Variants in DEPDC4 observed in about 807,000 individuals in gnomAD.
DEPDC4 encodes the protein DEP domain containing 4.
Under a neutral mutation model 52.0 loss-of-function variants are expected in DEPDC4, and 52 were observed. The observed-to-expected ratio is 1.00, with a 90% CI of 0.80 to 1.26. The LOEUF (loss-of-function observed/expected upper bound fraction) is 1.26, where lower values mean the gene tolerates loss of function less well. DEPDC4 is among the 50% of genes most tolerant of loss of function. The pLI, the probability that DEPDC4 is intolerant of heterozygous loss-of-function variation, is 0.00. For missense variants in DEPDC4, 530 were observed against 546.9 expected (o/e 0.97, Z 0.31); for synonymous variants, 201 against 196.8 (o/e 1.02, Z -0.18).
At chr12:100,253,298 AT>A (rs143595096) in intron 5 of DEPDC4, among the ~76,000 whole-genome samples, 190 bp downstream of exon 5, 1,765 of 152,260 alleles carry the variant, frequency 0.012, 29 homozygotes, top group African/African-American at 0.041. Flanking sequence ...TATTAGTTAC[AT>A]TTGATAATAT....
chr12:100,272,883 A>G, the DEPDC4 span, among the ~76,000 whole-genome samples: 1 of 152,252 alleles, frequency 6.6e-6, no homozygotes, highest in Non-Finnish European at 1.5e-5. Context: ...GTAGTTTAAC[A>G]TGTAAATACA....
upstream of DEPDC4, among the ~76,000 whole-genome samples, chr12:100,270,451 A>G (rs1195339051): frequency 6.6e-6 from 1 of 152,166 alleles, no homozygotes; most frequent in Non-Finnish European, 1.5e-5. Flanking sequence ...AAAAATTACA[A>G]TAATTTCAAG....
At chr12:100,235,772 C>A (rs1437225748), downstream of DEPDC4, among the ~76,000 whole-genome samples, 1 of 152,122 alleles carries the variant, frequency 6.6e-6, no homozygotes, top group Non-Finnish European at 1.5e-5. Flanking sequence ...ACGGGTTTCA[C>A]CATGTTGGCT....
the DEPDC4 span, among the ~76,000 whole-genome samples, chr12:100,277,142 CTT>C: frequency 1.1e-4 from 16 of 152,278 alleles, no homozygotes; most frequent in South Asian, 3.3e-3. Flanking sequence ...TATTTTGAGA[CTT>C]ATTTCATAGC....
At chr12:100,255,938 G>C in intron 4 of DEPDC4, 111 bp downstream of exon 4, 1 of 699,470 alleles carries the variant, frequency 1.4e-6, no homozygotes, top group Non-Finnish European at 2.3e-6. Context: ...TTATAAAAGA[G>C]AGATAGTATA....
chr12:100,253,979 C>A (rs544257570), intron 4 of DEPDC4, among the ~76,000 whole-genome samples: 1 of 151,920 alleles, frequency 6.6e-6, no homozygotes, highest in African/African-American at 2.4e-5. Context: ...TTTAATGAAC[C>A]CTTTATTATT....
At chr12:100,267,219 C>G (rs536550738), upstream of DEPDC4, 1 of 838,574 alleles carries the variant, frequency 1.2e-6, no homozygotes, top group Middle Eastern at 3.7e-4. Flanking sequence ...CGGTCCCTCC[C>G]CTCCCCACCC....
intron 4 of DEPDC4, among the ~76,000 whole-genome samples, chr12:100,255,321 A>G (rs963182070): frequency 2.6e-5 from 4 of 152,220 alleles, no homozygotes; most frequent in Non-Finnish European, 4.4e-5. Context: ...CCTACTGCGA[A>G]TAAGAGAAAT....
In DEPDC4 at chr12:100,241,548, A is replaced by C. The variant is rs2096158792; in HGVS notation, c.*344T>G. 2 of 659,710 alleles carry C rather than the reference A, an allele frequency of 3.0e-6. No homozygotes were observed. The allele number at this position is 659,710 out of a possible 1,614,324, so 40.9% of individuals were successfully genotyped here. A position where few individuals can be genotyped will look rare whatever the true frequency, so the allele number is the denominator to read the frequency against. On this transcript the variant is annotated 3_prime_UTR_variant, in exon 10 of 10. Transcript: ENST00000550587. ...CCCCTGTCTCTACAAAATAAAAATA[A>C]AAAATAAAACACTTAAAATCCTTTG...
At chr12:100,256,637 T>C (rs1393420795) in intron 3 of DEPDC4, among the ~76,000 whole-genome samples, 1 of 132,986 alleles carries the variant, frequency 7.5e-6, no homozygotes, top group Non-Finnish European at 1.7e-5. Flanking sequence ...GTTTGTTTTG[T>C]GTTTTTTGTT....
At chr12:100,272,379 C>T in the DEPDC4 span, among the ~76,000 whole-genome samples, 9 of 152,082 alleles carry the variant, frequency 5.9e-5, no homozygotes, top group African/African-American at 1.7e-4. Context: ...TTCAAAATCT[C>T]GTTTAAGTTC....
At chr12:100,238,538 G>A (rs1305228984), downstream of DEPDC4, among the ~76,000 whole-genome samples, 3 of 136,192 alleles carry the variant, frequency 2.2e-5, no homozygotes, top group Non-Finnish European at 3.1e-5. Flanking sequence ...CCAGGCTGGT[G>A]TGCAGTGGCA....
At chr12:100,256,568 A>G (rs1368804430) in intron 3 of DEPDC4, among the ~76,000 whole-genome samples, 1 of 152,006 alleles carries the variant, frequency 6.6e-6, no homozygotes, top group Non-Finnish European at 1.5e-5. Flanking sequence ...TGAGATTACT[A>G]ATTATTTATC....
chr12:100,254,897 T>A (rs973026319), intron 4 of DEPDC4, among the ~76,000 whole-genome samples: 1 of 151,958 alleles, frequency 6.6e-6, no homozygotes. Flanking sequence ...AATTTAAAAA[T>A]TTTTTTTTCA....
At chr12:100,243,031 T>C (rs2096166429) in intron 8 of DEPDC4, among the ~76,000 whole-genome samples, 1 of 152,224 alleles carries the variant, frequency 6.6e-6, no homozygotes, top group South Asian at 2.1e-4. Context: ...TTTTTTCCTA[T>C]ATATACATAC....
chr12:100,238,212 TCACCCAGGCTGGAGTGCGATGGCAC>T, downstream of DEPDC4: 2 of 208,380 alleles, frequency 9.6e-6, no homozygotes, highest in Non-Finnish European at 1.7e-5. Context: ...TCTCGCTCCA[TCACCCAGGCTGGAGTGCGATGGCAC>T]CATCTCGGCA....
At chr12:100,271,040 A>C (rs964079906), upstream of DEPDC4, among the ~76,000 whole-genome samples, 2 of 152,098 alleles carry the variant, frequency 1.3e-5, no homozygotes, top group African/African-American at 4.8e-5. Flanking sequence ...TGTAATTGTA[A>C]AGAGAATGAT....
chr12:100,241,324 C>G lies in DEPDC4; in HGVS notation c.*568G>C, dbSNP rs1431295607. Among the ~76,000 whole-genome samples, 1 of 143,956 alleles carries G rather than the reference C, an allele frequency of 6.9e-6. No homozygotes were observed. Among genetic ancestry groups the G allele is most frequent in the African/African-American group, 2.9e-5 (1 of 33,924 alleles). The allele number at this position is 143,956 out of a possible 152,430, so 94.4% of individuals were successfully genotyped here. A position where few individuals can be genotyped will look rare whatever the true frequency, so the allele number is the denominator to read the frequency against. ...TTAAGTGAATCAGCAAACATGAAGG[C>G]TAACTTGTATTCCTTCTTAAAGTTA... On this transcript the variant is annotated 3_prime_UTR_variant, in exon 10 of 10. Coordinates refer to ENST00000550587, the MANE Select transcript of DEPDC4 (RefSeq NM_001364818.2).
At chr12:100,272,302 G>A in the DEPDC4 span, among the ~76,000 whole-genome samples, 4 of 152,088 alleles carry the variant, frequency 2.6e-5, no homozygotes, top group African/African-American at 9.7e-5. Flanking sequence ...AAAATGAAAA[G>A]CTATCATTTT....
Sources: gnomAD v4.1 joint callset for allele counts (sites outside exome capture counted in the v4.1 genomes callset) on GRCh38, gnomAD v4.1.1 for gene constraint, MANE v1.5 for transcripts, NCBI Gene and HGNC (gene_info 2026-07-23, HGNC 2026-07-21) for gene names.